NSD2: variants seen among roughly 807,000 people sequenced by gnomAD.
NSD2 encodes histone-lysine N-methyltransferase NSD2.
In NSD2, 12 loss-of-function variants were observed where a neutral mutation model predicts 139.0. That is an observed-to-expected ratio of 0.09 (90% confidence interval 0.06 to 0.14). NSD2 has a LOEUF of 0.14. Ranked by LOEUF, NSD2 falls within the 10% of genes least tolerant of loss-of-function variation. The pLI is 1.00. For synonymous variants in NSD2, 669 were observed against 648.7 expected (o/e 1.03, Z -0.48); for missense variants, 1,155 against 1,745.0 (o/e 0.66, Z 6.02).
chr4:1,913,460 G>A (rs377389068), intron 3 of NSD2, among the ~76,000 whole-genome samples: 17 of 152,338 alleles, frequency 1.1e-4, no homozygotes, highest in South Asian at 8.3e-4. Flanking sequence ...GTGCTTCAGC[G>A]GTCACGCTCC....
chr4:1,902,228 A>T (rs1362645178), intron 2 of NSD2, among the ~76,000 whole-genome samples: 1 of 151,916 alleles, frequency 6.6e-6, no homozygotes, highest in African/African-American at 2.4e-5. Flanking sequence ...TTTAAATTTT[A>T]TTTATTTATT....
At chr4:1,935,768 G>A (rs887226246) in intron 7 of NSD2, among the ~76,000 whole-genome samples, 9 of 152,126 alleles carry the variant, frequency 5.9e-5, no homozygotes, top group Admixed American at 2.6e-4. Context: ...GGCTGAGGCA[G>A]GAGAATTGCT....
rs552904034 is a variant in NSD2 at position 1,973,599 on chromosome 4, G to A, written c.3373-1264G>A. Among the ~76,000 whole-genome samples, 490 of 152,342 alleles carry A rather than the reference G, an allele frequency of 3.2e-3. 1 individual carries two copies. Among genetic ancestry groups the A allele is most frequent in the African/African-American group, 0.011 (439 of 41,570 alleles). ...GAACCACATTCTGGTACCATTTCTGGTTTTAAAGGGTGGCCTGTGTGGGTA... is the reference window on the plus strand; with the variant it reads ...GAACCACATTCTGGTACCATTTCTGATTTTAAAGGGTGGCCTGTGTGGGTA... On this transcript the variant is annotated intron_variant, in intron 18 of 21. Coordinates refer to ENST00000508803, the MANE Select transcript of NSD2 (RefSeq NM_001042424.3). The surrounding 1 kb of genome is among the most constrained non-coding windows in gnomAD (Gnocchi z 5.5).
chr4:1,941,609 C>G (rs1051002792), intron 9 of NSD2: 1 of 1,031,758 alleles, frequency 9.7e-7, no homozygotes, highest in East Asian at 5.9e-5. Context: ...TTATATAATA[C>G]ATTAAATATG....
chr4:1,917,447 T>A (rs918035026), intron 4 of NSD2, among the ~76,000 whole-genome samples: 5 of 152,202 alleles, frequency 3.3e-5, no homozygotes, highest in African/African-American at 1.2e-4. Context: ...TTTTTAAAAT[T>A]TTTTTGAGAT....
At chr4:1,872,171 C>A (rs1246470853) in intron 1 of NSD2, among the ~76,000 whole-genome samples, 1 of 152,160 alleles carries the variant, frequency 6.6e-6, no homozygotes, top group Middle Eastern at 3.4e-3. Flanking sequence ...AGCCGGGCCG[C>A]GGTCCGGCCC....
At chr4:1,915,025 T>C (rs1316455921) in intron 3 of NSD2, among the ~76,000 whole-genome samples, 3 of 152,090 alleles carry the variant, frequency 2.0e-5, no homozygotes, top group Non-Finnish European at 4.4e-5. Flanking sequence ...GCTATGGAAA[T>C]AGGTATTTTT....
intron 1 of NSD2, among the ~76,000 whole-genome samples, chr4:1,882,948 A>G (rs1251542576): frequency 6.6e-6 from 1 of 152,116 alleles, no homozygotes; most frequent in Non-Finnish European, 1.5e-5. Flanking sequence ...CTGACTGATA[A>G]GTCAGGAGGC....
At position 1,939,928 on chromosome 4, in the gene NSD2, G is replaced by C. The variant is rs368298262; in HGVS notation, c.1881+150G>C. The C allele has an allele frequency of 7.6e-5, 114 of 1,503,234 alleles. No homozygotes were observed. In the African/African-American group the frequency reaches 1.5e-3, roughly 20 times the overall value. The allele number at this position is 1,503,234 out of a possible 1,614,324, so 93.1% of individuals were successfully genotyped here. On this transcript the variant is annotated intron_variant, in intron 9 of 21. Transcript: ENST00000508803. Reference sequence around the variant, plus strand: ...GTTTTAGGGCCTCTTGGCTAACTCAGATTCATGAAATGGACAAACAGTGCA... The same window carrying C: ...GTTTTAGGGCCTCTTGGCTAACTCACATTCATGAAATGGACAAACAGTGCA...
rs1717089217 is a variant in NSD2, at chr4:1,900,981, G to A, written c.327G>A (p.Gly109=). 3 of 1,614,172 alleles carry A rather than the reference G, an allele frequency of 1.9e-6. No homozygotes were observed. The highest frequency in any genetic ancestry group is 1.6e-4 in the Middle Eastern group (1 of 6,062). The change falls in exon 2 of 22, where the codon GGG becomes GGA. Residue 109 remains glycine, a synonymous_variant. Transcript: ENST00000508803. ...RFESQEMKGI[G]TPPNTTPIKN... ...AGTCCCAGGAAATGAAAGGGATTGG[G>A]ACACCCCCTAACACTACCCCTATCA... is the stretch of plus-strand genomic sequence containing the variant.
At position 1,978,084 on chromosome 4, in the gene NSD2, G is replaced by A. The variant is rs898992352; in HGVS notation, c.3827-554G>A. Among the ~76,000 whole-genome samples the A allele has an allele frequency of 2.5e-4, 37 of 147,530 alleles. 1 individual carries two copies. Among genetic ancestry groups the A allele is most frequent in the East Asian group, 4.1e-4 (2 of 4,900 alleles). On this transcript the variant is annotated intron_variant, in intron 21 of 21. Coordinates refer to ENST00000508803, the MANE Select transcript of NSD2 (RefSeq NM_001042424.3). ...GGAGGCTGCAGTGAGCCAAGATTGC[G>A]CCACTGCTCTCCAGCCTGGGCGACA...
chr4:1,929,847 C>T (rs368953029), intron 5 of NSD2, among the ~76,000 whole-genome samples: 4 of 152,190 alleles, frequency 2.6e-5, no homozygotes, highest in Admixed American at 2.6e-4. Flanking sequence ...AGGCCAGACC[C>T]GGTGGGTTGG....
chr4:1,952,976 T>C (rs2108948936), intron 11 of NSD2: 1 of 1,435,706 alleles, frequency 7.0e-7, no homozygotes, highest in East Asian at 2.5e-5. Context: ...AAGTGACTGC[T>C]CCACCACTGG....
intron 3 of NSD2, among the ~76,000 whole-genome samples, chr4:1,916,523 T>G (rs1719423317): frequency 6.6e-6 from 1 of 152,110 alleles, no homozygotes; most frequent in Non-Finnish European, 1.5e-5. Flanking sequence ...TTTTTGCATT[T>G]TTCGTAGAGA....
chr4:1,889,061 C>G (rs764213274), intron 1 of NSD2, among the ~76,000 whole-genome samples: 6 of 151,960 alleles, frequency 3.9e-5, no homozygotes, highest in Non-Finnish European at 8.8e-5. Flanking sequence ...CCATGCCTGG[C>G]TAATTTTTGT....
At chr4:1,906,429 T>C (rs1347809357) in intron 3 of NSD2, among the ~76,000 whole-genome samples, 1 of 151,688 alleles carries the variant, frequency 6.6e-6, no homozygotes, top group East Asian at 1.9e-4. Flanking sequence ...TTTGTAGAGA[T>C]GGGGTTTCAC....
rs866201241 is a variant in NSD2, at chr4:1,979,438, A to T, written c.*529A>T. 4.3e-6 allele frequency: 1 copy of T among 233,366 alleles called. No homozygotes were observed. Among genetic ancestry groups the T allele is most frequent in the African/African-American group, 2.2e-5 (1 of 45,310 alleles). The allele number at this position is 233,366 out of a possible 1,614,324, so 14.5% of individuals were successfully genotyped here. On this transcript the variant is annotated 3_prime_UTR_variant, in exon 22 of 22. Coordinates refer to ENST00000508803, the MANE Select transcript of NSD2 (RefSeq NM_001042424.3). Reference sequence around the variant, plus strand: ...TCTGCTCTTTGGAAATGGCTGTATCATTTTTTTGTACTAATGTGAATTGTT... The same window carrying T: ...TCTGCTCTTTGGAAATGGCTGTATCTTTTTTTTGTACTAATGTGAATTGTT...
chr4:1,927,129 G>A (rs546155611), intron 5 of NSD2, among the ~76,000 whole-genome samples: 24 of 152,238 alleles, frequency 1.6e-4, no homozygotes, highest in African/African-American at 5.3e-4. Context: ...AGGAGGCCTC[G>A]GTCCTTCACC....
At chr4:1,883,912 G>A (rs779354867) in intron 1 of NSD2, among the ~76,000 whole-genome samples, 2 of 152,232 alleles carry the variant, frequency 1.3e-5, no homozygotes, top group Non-Finnish European at 2.9e-5. Context: ...TTTCTACACA[G>A]TAGCCTAGGA....
Sources: allele counts gnomAD v4.1 joint callset (sites outside exome capture counted in the v4.1 genomes callset), GRCh38; gene constraint gnomAD v4.1.1; non-coding constraint Gnocchi (gnomAD v3.1); transcripts MANE v1.5; gene names NCBI Gene and HGNC (gene_info 2026-07-23, HGNC 2026-07-21).